Variants in PDE10A observed in about 807,000 individuals in gnomAD.
PDE10A encodes cAMP and cAMP-inhibited cGMP 3',5'-cyclic phosphodiesterase 10A.
In PDE10A, 39 loss-of-function variants were observed where a neutral mutation model predicts 97.7. The observed-to-expected ratio is 0.40, with a 90% CI of 0.31 to 0.52. The LOEUF is 0.52. Ranked by LOEUF, PDE10A falls within the 20% of genes least tolerant of loss-of-function variation. The pLI, the probability that PDE10A is intolerant of heterozygous loss-of-function variation, is 0.56. For synonymous variants in PDE10A, 371 were observed against 376.8 expected, an observed-to-expected ratio of 0.98 and a Z score of 0.18; for missense variants, 731 against 1,047.8, an observed-to-expected ratio of 0.70 and a Z score of 4.17.
intron 2 of PDE10A, among the ~76,000 whole-genome samples, chr6:165,496,937 G>A (rs894466034): frequency 6.6e-6 from 1 of 152,124 alleles, no homozygotes; most frequent in African/African-American, 2.4e-5. Context: ...AAGAACATGA[G>A]TCATGTAATC....
At chr6:165,905,477 A>C (rs1428648417) in intron 1 of PDE10A, among the ~76,000 whole-genome samples, 1 of 152,154 alleles carries the variant, frequency 6.6e-6, no homozygotes, top group East Asian at 1.9e-4. Context: ...TAATTTCACT[A>C]ACAAACACTT....
Position 165,714,105 on chromosome 6 carries a change from A to G in PDE10A, c.-614-170537T>C, listed in dbSNP as rs551860176. Among the ~76,000 whole-genome samples, 4 of 152,282 alleles carry G rather than the reference A, an allele frequency of 2.6e-5. No individual in the cohort carries two copies. In the East Asian group the frequency reaches 7.7e-4, roughly 29 times the overall value. On this transcript the variant is annotated intron_variant, in intron 1 of 19. Coordinates refer to the PDE10A transcript ENST00000366882. ...TGAGTAATTAGAGTTGTGTGGAAAC[A>G]AAAACCAAAACCAACCAAATGGCAG...
intron 3 of PDE10A, among the ~76,000 whole-genome samples, chr6:165,455,274 A>G (rs1320460368): frequency 6.6e-6 from 1 of 152,166 alleles, no homozygotes; most frequent in African/African-American, 2.4e-5. Context: ...CAGGTGATCA[A>G]TGAAGTTTTA....
chr6:165,416,865 T>C (rs1256818360), intron 11 of PDE10A, among the ~76,000 whole-genome samples: 2 of 152,248 alleles, frequency 1.3e-5, no homozygotes, highest in African/African-American at 4.8e-5. Flanking sequence ...TTTTACCTAA[T>C]TTGTTAAATT....
intron 16 of PDE10A, among the ~76,000 whole-genome samples, chr6:165,389,777 T>C (rs1361188652): frequency 6.6e-6 from 1 of 152,112 alleles, no homozygotes; most frequent in Non-Finnish European, 1.5e-5. Context: ...CTCACCAAGG[T>C]TGTAGTTTGA....
At chr6:165,805,345 C>A (rs1275055291) in intron 1 of PDE10A, among the ~76,000 whole-genome samples, 1 of 152,142 alleles carries the variant, frequency 6.6e-6, no homozygotes. Flanking sequence ...GGCGTCACTT[C>A]TCTCCCAGGG....
chr6:165,926,462 A>G (rs1782937890), intron 1 of PDE10A, among the ~76,000 whole-genome samples: 1 of 152,248 alleles, frequency 6.6e-6, no homozygotes, highest in Non-Finnish European at 1.5e-5. Context: ...TCTATTTTAA[A>G]TGGAAAAGTC....
chr6:165,415,291 T>A (rs1788230141), intron 12 of PDE10A, among the ~76,000 whole-genome samples: 1 of 152,336 alleles, frequency 6.6e-6, no homozygotes, highest in East Asian at 1.9e-4. Context: ...CCTATGTTTT[T>A]ATAGGAGTTG....
chr6:165,350,658 C>G (rs1469898555), intron 18 of PDE10A, among the ~76,000 whole-genome samples: 1 of 152,188 alleles, frequency 6.6e-6, no homozygotes, highest in Non-Finnish European at 1.5e-5. Context: ...CAAATCCCAT[C>G]TTGAATTGCA....
At chr6:165,570,103 G>C (rs1052350605) in intron 1 of PDE10A, among the ~76,000 whole-genome samples, 1 of 152,144 alleles carries the variant, frequency 6.6e-6, no homozygotes, top group Non-Finnish European at 1.5e-5. Flanking sequence ...GGACCTTTAA[G>C]AAGATGATTA....
chr6:165,620,285 C>A, intron 1 of PDE10A, among the ~76,000 whole-genome samples: 1 of 152,118 alleles, frequency 6.6e-6, no homozygotes, highest in Non-Finnish European at 1.5e-5. Context: ...CCCACCCCCA[C>A]CCTGGCCAGG....
chr6:165,347,741 C>G (rs1782412024), intron 18 of PDE10A, among the ~76,000 whole-genome samples: 1 of 152,144 alleles, frequency 6.6e-6, no homozygotes, highest in African/African-American at 2.4e-5. Context: ...ATCAAACATT[C>G]CTGGCAGAGG....
intron 1 of PDE10A, among the ~76,000 whole-genome samples, chr6:165,743,498 G>A (rs934634967): frequency 7.2e-5 from 11 of 152,244 alleles, no homozygotes; most frequent in African/African-American, 9.6e-5. Context: ...TTGCATCTCC[G>A]TCTGTAGAAT....
At chr6:165,483,735 G>C (rs1054547538) in intron 2 of PDE10A, among the ~76,000 whole-genome samples, 3 of 152,186 alleles carry the variant, frequency 2.0e-5, no homozygotes, top group African/African-American at 7.2e-5. Context: ...ACCGCATAGA[G>C]TCACCTAGCT....
intron 3 of PDE10A, among the ~76,000 whole-genome samples, chr6:165,461,619 C>T (rs905306441): frequency 6.6e-6 from 1 of 152,150 alleles, no homozygotes; most frequent in African/African-American, 2.4e-5. Context: ...CTTTATTTAC[C>T]CAATTGCAAA....
chr6:165,495,118 A>G (rs1358116758), intron 2 of PDE10A, among the ~76,000 whole-genome samples: 1 of 152,230 alleles, frequency 6.6e-6, no homozygotes, highest in Non-Finnish European at 1.5e-5. Flanking sequence ...AGTATTTACC[A>G]AAAGTCTACT....
chr6:165,485,957 A>G (rs186922407), intron 2 of PDE10A, among the ~76,000 whole-genome samples: 307 of 152,322 alleles, frequency 2.0e-3, no homozygotes, highest in African/African-American at 7.2e-3. Flanking sequence ...CTGTTGGTGA[A>G]GAGTTGATCC....
At chr6:165,665,854 A>G (rs973471348), upstream of PDE10A, among the ~76,000 whole-genome samples, 11 of 152,220 alleles carry the variant, frequency 7.2e-5, no homozygotes, top group Non-Finnish European at 2.9e-5. Context: ...AAATTAGTGG[A>G]CCTATACAAC....
intron 1 of PDE10A, among the ~76,000 whole-genome samples, chr6:165,636,792 G>A (rs140680892): frequency 2.0e-3 from 303 of 152,244 alleles, no homozygotes; most frequent in African/African-American, 7.0e-3. Flanking sequence ...CTTGTGTCAG[G>A]CATCTTTCCA....
Sources: gnomAD v4.1 joint callset for allele counts (sites outside exome capture counted in the v4.1 genomes callset) on GRCh38, gnomAD v4.1.1 for gene constraint, MANE v1.5 for transcripts, NCBI Gene and HGNC (gene_info 2026-07-23, HGNC 2026-07-21) for gene names.